The following KIDINS220 variants were observed in gnomAD, a reference collection of about 807,000 sequenced individuals.
The protein encoded by KIDINS220 is kinase D-interacting substrate of 220 kDa.
KIDINS220 carries 63 observed loss-of-function variants against 157.6 expected under a neutral mutation model. That is an observed-to-expected ratio of 0.40 (90% CI 0.33 to 0.49). KIDINS220 has a LOEUF of 0.49. Ranked by LOEUF, KIDINS220 falls within the 20% of genes least tolerant of loss-of-function variation. The pLI is 0.66. For missense variants in KIDINS220, 1,772 were observed against 2,171.2 expected (o/e 0.82, Z 3.65); for synonymous variants, 732 against 783.6 (o/e 0.93, Z 1.10).
chr2:8,730,791 G>A lies in KIDINS220; in HGVS notation c.5245C>T (p.Pro1749Ser). The A allele has an allele frequency of 1.2e-6, 2 of 1,614,224 alleles. No homozygotes were observed. The highest frequency in any genetic ancestry group is 1.7e-6 in the Non-Finnish European group (2 of 1,180,050). The change falls in exon 30 of 30, where the codon CCT (proline) becomes TCT (serine). Residue 1749 changes from proline to serine, a missense_variant. Transcript: ENST00000256707. ...GAGGCTGCTGCATGGAGCTCCGGAGGATCTTTGGAGAGCCTTGTGTAACTT... is the reference window on the plus strand; with the variant it reads ...GAGGCTGCTGCATGGAGCTCCGGAGAATCTTTGGAGAGCCTTGTGTAACTT... ...RSSYTRLSKD[P>S]PELHAAASSE...
At chr2:8,770,649 C>T in intron 22 of KIDINS220, 21 bp downstream of exon 22, 1 of 1,230,232 alleles carries the variant, frequency 8.1e-7, no homozygotes, top group South Asian at 1.6e-5. Flanking sequence ...AAGTAAAATA[C>T]AAAGAGGTCA....
chr2:8,798,133 T>C (rs145204958), intron 10 of KIDINS220, 69 bp downstream of exon 10: 299 of 882,152 alleles, frequency 3.4e-4, no homozygotes, highest in Non-Finnish European at 4.9e-4. Context: ...CAAAGACGAC[T>C]GAAATAAAAT....
intron 17 of KIDINS220, among the ~76,000 whole-genome samples, 165 bp downstream of exon 17, chr2:8,785,576 C>T (rs896091809): frequency 1.3e-5 from 2 of 152,058 alleles, no homozygotes; most frequent in African/African-American, 2.4e-5. Context: ...CTTAAAACTA[C>T]CTTAAATTAT....
At chr2:8,765,692 C>A (rs908499989) in intron 22 of KIDINS220, among the ~76,000 whole-genome samples, 2 of 152,042 alleles carry the variant, frequency 1.3e-5, no homozygotes, top group African/African-American at 4.8e-5. Flanking sequence ...TTTCTATAAC[C>A]CAACTTTTAT....
At position 8,729,229 on chromosome 2, in the gene KIDINS220, C is replaced by T; in HGVS notation, c.*1491G>A. 2.0e-6 allele frequency: 2 copies of T among 985,308 alleles called. No individual in the cohort carries two copies. The highest frequency in any genetic ancestry group is 2.4e-6 in the Non-Finnish European group (2 of 829,726). 61.0% of individuals were successfully genotyped at this position (985,308 alleles called of 1,614,324 possible). A position where few individuals can be genotyped will look rare whatever the true frequency, so the allele number is the denominator to read the frequency against. On this transcript the variant is annotated 3_prime_UTR_variant, in exon 30 of 30. Coordinates refer to ENST00000256707, the MANE Select transcript of KIDINS220 (RefSeq NM_020738.4). ...CACTGTATTAAAATGCTAGATTACACTCAAACATCAAGGCAATGAAACACA... is the reference window on the plus strand; with the variant it reads ...CACTGTATTAAAATGCTAGATTACATTCAAACATCAAGGCAATGAAACACA...
chr2:8,833,608 C>T (rs1679972145), intron 1 of KIDINS220, among the ~76,000 whole-genome samples: 1 of 151,644 alleles, frequency 6.6e-6, no homozygotes, highest in Non-Finnish European at 1.5e-5. Flanking sequence ...ATACCAAATA[C>T]CCAACACTTA....
At chr2:8,780,940 C>T (rs1423827524) in intron 17 of KIDINS220, among the ~76,000 whole-genome samples, 1 of 151,326 alleles carries the variant, frequency 6.6e-6, no homozygotes, top group Non-Finnish European at 1.5e-5. Context: ...TCCATCAAAA[C>T]CAATTATCCC....
At chr2:8,809,141 C>T (rs1675929092) in intron 6 of KIDINS220, among the ~76,000 whole-genome samples, 1 of 152,212 alleles carries the variant, frequency 6.6e-6, no homozygotes, top group Admixed American at 6.5e-5. Flanking sequence ...CCGCTTTAGC[C>T]TCCCAAGTAG....
intron 2 of KIDINS220, among the ~76,000 whole-genome samples, chr2:8,819,823 C>CA (rs1201778380): frequency 3.3e-5 from 5 of 149,782 alleles, no homozygotes; most frequent in South Asian, 2.1e-4. Context: ...AGACTTGTCT[C>CA]AAAAAAAAAT....
chr2:8,797,890 C>A (rs7602942), intron 10 of KIDINS220, among the ~76,000 whole-genome samples: 1 of 152,166 alleles, frequency 6.6e-6, no homozygotes, highest in South Asian at 2.1e-4. Context: ...ACGCCATCTC[C>A]CCACAAAGGA....
chr2:8,728,744 G>A (rs899101276), downstream of KIDINS220: 2 of 547,006 alleles, frequency 3.7e-6, no homozygotes, highest in Non-Finnish European at 4.7e-6. Flanking sequence ...TGGGACTTAC[G>A]AGCCACATTC....
chr2:8,832,188 A>G (rs75235156), intron 1 of KIDINS220, among the ~76,000 whole-genome samples: 2,411 of 152,242 alleles, frequency 0.016, 24 homozygotes, highest in Non-Finnish European at 0.024. Flanking sequence ...GAGACCCCCA[A>G]CGTTCCCTAG....
intron 14 of KIDINS220, 93 bp downstream of exon 14, chr2:8,789,787 G>C (rs573163301): frequency 3.0e-6 from 3 of 985,144 alleles, no homozygotes; most frequent in African/African-American, 1.7e-5. Context: ...TCACATACAG[G>C]TTTTAAAAGA....
At chr2:8,817,008 C>T (rs1485491332) in intron 4 of KIDINS220, among the ~76,000 whole-genome samples, 1 of 152,188 alleles carries the variant, frequency 6.6e-6, no homozygotes, top group East Asian at 1.9e-4. Context: ...TTATATATCA[C>T]AGCAGATCGT....
intron 22 of KIDINS220, among the ~76,000 whole-genome samples, chr2:8,754,216 G>A (rs534505315): frequency 2.2e-4 from 33 of 152,296 alleles, no homozygotes; most frequent in African/African-American, 7.0e-4. Context: ...GAATGCAACA[G>A]TGTTCTCAGT....
rs188328626 is a variant in KIDINS220, at chr2:8,732,037, T to C, written c.4054-55A>G. 320 of 1,456,688 alleles carry C rather than the reference T, an allele frequency of 2.2e-4. No homozygotes were observed. In the Admixed American group the frequency reaches 2.9e-3, roughly 13 times the overall value. The allele number at this position is 1,456,688 out of a possible 1,614,324, so 90.2% of individuals were successfully genotyped here. A position where few individuals can be genotyped will look rare whatever the true frequency, so the allele number is the denominator to read the frequency against. On this transcript the variant is annotated intron_variant, in intron 29 of 29. Coordinates refer to ENST00000256707, the MANE Select transcript of KIDINS220 (RefSeq NM_020738.4). ...AATTCAAATAAGAAGAAAAAAGGCA[T>C]AAACATCAGCTTAGGAAATATATAT...
Position 8,746,898 on chromosome 2 carries a change from T to C in KIDINS220, c.3585+247A>G, listed in dbSNP as rs2148031233. On this transcript the variant is annotated intron_variant, in intron 26 of 29. Coordinates refer to ENST00000256707, the MANE Select transcript of KIDINS220 (RefSeq NM_020738.4). ...GAAAAAGCCCTTCCTTATTGAAGAA[T>C]AAAAAAAAACCCCATCCCATGTATT... is the stretch of plus-strand genomic sequence containing the variant. 8 of 436,042 alleles carry C rather than the reference T, an allele frequency of 1.8e-5. No individual in the cohort carries two copies. The East Asian group carries it at 2.2e-4, about 12-fold the overall frequency. The allele number at this position is 436,042 out of a possible 1,614,324, so 27.0% of individuals were successfully genotyped here.
At chr2:8,767,958 A>C (rs1456267176) in intron 22 of KIDINS220, among the ~76,000 whole-genome samples, 1 of 152,228 alleles carries the variant, frequency 6.6e-6, no homozygotes, top group Non-Finnish European at 1.5e-5. Context: ...AAACATCAAA[A>C]TAAAGTACCA....
Position 8,751,553 on chromosome 2 carries a change from T to G in KIDINS220, c.3103A>C (p.Arg1035=), listed in dbSNP as rs764697845. The G allele has an allele frequency of 1.2e-6, 2 of 1,613,818 alleles. No individual in the cohort carries two copies. The highest frequency in any genetic ancestry group is 3.3e-5 in the Admixed American group (2 of 60,010). The part of the protein sequence containing the change: ...IRNFEVFLSS[R]TPVLVARDVK... ...TCTCGAGCCACAAGAACTGGGGTCC[T>G]TGAAGACAAAAACACTTCAAAATTT... The change falls in exon 23 of 30, where the codon AGG becomes CGG. Residue 1035 remains arginine, a synonymous_variant. Coordinates refer to ENST00000256707, the MANE Select transcript of KIDINS220 (RefSeq NM_020738.4).
Sources: gnomAD v4.1 joint callset for allele counts (sites outside exome capture counted in the v4.1 genomes callset) on GRCh38, gnomAD v4.1.1 for gene constraint, MANE v1.5 for transcripts, NCBI Gene and HGNC (gene_info 2026-07-23, HGNC 2026-07-21) for gene names.